ACOT7: variants seen among roughly 807,000 people sequenced by gnomAD.
The protein encoded by ACOT7 is cytosolic acyl coenzyme A thioester hydrolase.
Under a neutral mutation model 40.2 loss-of-function variants are expected in ACOT7, and 12 were observed. The observed-to-expected ratio is 0.30, with a 90% CI of 0.19 to 0.48. The LOEUF (loss-of-function observed/expected upper bound fraction) is 0.48. Among genes scored for constraint, ACOT7 ranks in the 20% least tolerant of loss-of-function variants. The probability of loss-of-function intolerance (pLI) is 0.99; values close to 1 mark genes in which losing one functional copy is unlikely to be tolerated. For missense variants in ACOT7, 395 were observed against 530.8 expected, an observed-to-expected ratio of 0.74 and a Z score of 2.51; for synonymous variants, 228 against 219.5, an observed-to-expected ratio of 1.04 and a Z score of -0.34.
chr1:6,349,930 T>C, intron 1 of ACOT7, 64 bp from the exon 2 acceptor site: 1 of 1,519,020 alleles, frequency 6.6e-7, no homozygotes, highest in South Asian at 1.1e-5. Flanking sequence ...ACAGTGACAA[T>C]CCAAGGAGGG....
chr1:6,277,749 C>T (rs887736814), intron 8 of ACOT7, among the ~76,000 whole-genome samples: 4 of 152,240 alleles, frequency 2.6e-5, no homozygotes, highest in African/African-American at 4.8e-5. Context: ...CGGCACACTC[C>T]GATCCCCTCA....
chr1:6,308,976 A>G (rs1159542351), intron 6 of ACOT7, among the ~76,000 whole-genome samples: 1 of 152,214 alleles, frequency 6.6e-6, no homozygotes, highest in African/African-American at 2.4e-5. Flanking sequence ...GAAAACCACT[A>G]CGTCCTGGCC....
At chr1:6,368,438 C>A (rs1472898136) in intron 1 of ACOT7, among the ~76,000 whole-genome samples, 1 of 152,170 alleles carries the variant, frequency 6.6e-6, no homozygotes, top group Non-Finnish European at 1.5e-5. Context: ...CTCTGCATCC[C>A]AGGCCCAGCC....
intron 5 of ACOT7, among the ~76,000 whole-genome samples, chr1:6,326,954 A>AACAAGCC (rs1311129168): frequency 1.3e-5 from 2 of 151,804 alleles, no homozygotes; most frequent in African/African-American, 4.8e-5. Context: ...AAAAGAAAAG[A>AACAAGCC]ACAAGCCACT....
chr1:6,359,707 C>T lies in ACOT7; in HGVS notation c.144-9841G>A, dbSNP rs946260301. Among the ~76,000 whole-genome samples the T allele has an allele frequency of 1.3e-5, 2 of 152,188 alleles. No individual in the cohort carries two copies. Among genetic ancestry groups the T allele is most frequent in the Non-Finnish European group, 2.9e-5 (2 of 68,030 alleles). On this transcript the variant is annotated intron_variant, in intron 1 of 8. Transcript: ENST00000361521. This position sits in a 1 kb window ranked among gnomAD's most constrained non-coding sequence, Gnocchi z 4.1. ...GCTACAGGAGGCCCAGTGCAGGAGG[C>T]GGGATGTGTTATCACCACAACCTCC...
At chr1:6,362,478 C>T (rs1641912902) in intron 1 of ACOT7, among the ~76,000 whole-genome samples, 1 of 151,950 alleles carries the variant, frequency 6.6e-6, no homozygotes, top group Non-Finnish European at 1.5e-5. Flanking sequence ...GCACCTCTTC[C>T]CCCATCCCTC....
rs908480109 is a variant in ACOT7, at chr1:6,330,157, T to A, written c.511-2744A>T. Among the ~76,000 whole-genome samples the A allele has an allele frequency of 6.6e-6, 1 of 152,224 alleles. No homozygotes were observed. Among genetic ancestry groups the A allele is most frequent in the Non-Finnish European group, 1.5e-5 (1 of 68,042 alleles). On this transcript the variant is annotated intron_variant, in intron 4 of 8. Coordinates refer to ENST00000361521, the MANE Select transcript of ACOT7 (RefSeq NM_007274.4). This position sits in a 1 kb window ranked among gnomAD's most constrained non-coding sequence, Gnocchi z 4.6. ...TGTGTATATATAATATATATCTGTATATCTATACATACAGGGACGTACATT... is the reference window on the plus strand; with the variant it reads ...TGTGTATATATAATATATATCTGTAAATCTATACATACAGGGACGTACATT...
chr1:6,298,747 C>G (rs1222958952), intron 6 of ACOT7, among the ~76,000 whole-genome samples: 2 of 152,220 alleles, frequency 1.3e-5, no homozygotes, highest in Non-Finnish European at 2.9e-5. Context: ...CCTGGTCTCT[C>G]TCCCATGGCA....
intron 1 of ACOT7, among the ~76,000 whole-genome samples, chr1:6,375,838 C>T (rs1282239836): frequency 6.6e-6 from 1 of 150,750 alleles, no homozygotes; most frequent in Non-Finnish European, 1.5e-5. Flanking sequence ...CTCGGGAGGC[C>T]GAGACAGAAG....
intron 1 of ACOT7, chr1:6,360,633 C>A: frequency 6.2e-7 from 1 of 1,614,238 alleles, no homozygotes; most frequent in South Asian, 1.1e-5. Flanking sequence ...TAGTGACAAG[C>A]TTCTCCGAAG....
intron 5 of ACOT7, among the ~76,000 whole-genome samples, 198 bp downstream of exon 5, chr1:6,327,101 G>T (rs895143951): frequency 7.2e-5 from 11 of 152,220 alleles, no homozygotes; most frequent in African/African-American, 2.7e-4. Context: ...CCAGGTGTGT[G>T]ACTGGAGGGG....
At chr1:6,270,382 G>A (rs1638994915) in intron 8 of ACOT7, among the ~76,000 whole-genome samples, 1 of 152,252 alleles carries the variant, frequency 6.6e-6, no homozygotes, top group Non-Finnish European at 1.5e-5. Context: ...TGCTGGTGGG[G>A]GAAGGACTGG....
chr1:6,277,172 C>A (rs1177102258), intron 8 of ACOT7, among the ~76,000 whole-genome samples: 1 of 152,240 alleles, frequency 6.6e-6, no homozygotes, highest in Non-Finnish European at 1.5e-5. Flanking sequence ...CAGAGGTCCC[C>A]TCCCTGAGAG....
intron 1 of ACOT7, among the ~76,000 whole-genome samples, chr1:6,363,415 CTGACATCAG>C (rs1277893796): frequency 2.6e-5 from 4 of 152,146 alleles, no homozygotes; most frequent in Non-Finnish European, 5.9e-5. Context: ...TGTGGAGGGC[CTGACATCAG>C]TCAGGCCTGC....
intron 8 of ACOT7, among the ~76,000 whole-genome samples, 168 bp from the exon 9 acceptor site, chr1:6,264,863 GCC>G (rs111940368): frequency 0.053 from 8,067 of 152,294 alleles, 368 homozygotes; most frequent in African/African-American, 0.12. Context: ...CTGCCGGGTA[GCC>G]CAGGCATGGG....
intron 2 of ACOT7, among the ~76,000 whole-genome samples, chr1:6,348,878 T>C (rs905805925): frequency 1.3e-5 from 2 of 152,196 alleles, no homozygotes; most frequent in African/African-American, 4.8e-5. Context: ...GGCCTCTTGA[T>C]AGAGTGGCAT....
At chr1:6,284,336 G>C (rs1449329689) in intron 7 of ACOT7, among the ~76,000 whole-genome samples, 1 of 152,120 alleles carries the variant, frequency 6.6e-6, no homozygotes. Flanking sequence ...CAGCACTCTG[G>C]GAGGCCGAGG....
At chr1:6,385,781 GA>G in intron 1 of ACOT7, 2 of 1,439,146 alleles carry the variant, frequency 1.4e-6, no homozygotes, top group Non-Finnish European at 1.8e-6. Context: ...CTCCCTGATA[GA>G]AAGCACCAGG....
chr1:6,348,246 A>C (rs180933612), intron 2 of ACOT7, among the ~76,000 whole-genome samples: 2 of 152,094 alleles, frequency 1.3e-5, no homozygotes, highest in African/African-American at 2.4e-5. Flanking sequence ...AACCTGTACC[A>C]CACGACATCC....
Sources: allele counts gnomAD v4.1 joint callset (sites outside exome capture counted in the v4.1 genomes callset), GRCh38; gene constraint gnomAD v4.1.1; non-coding constraint Gnocchi (gnomAD v3.1); transcripts MANE v1.5; gene names NCBI Gene and HGNC (gene_info 2026-07-23, HGNC 2026-07-21).